The following CLIP1 variants were observed in gnomAD, a reference collection of about 807,000 sequenced individuals.
CLIP1 encodes CAP-Gly domain-containing linker protein 1.
Under a neutral mutation model 161.6 loss-of-function variants are expected in CLIP1, and 66 were observed. The observed-to-expected ratio is 0.41, with a 90% CI of 0.33 to 0.50. CLIP1 has a LOEUF of 0.50. Among genes scored for constraint, CLIP1 ranks in the 20% least tolerant of loss-of-function variants. The probability of loss-of-function intolerance (pLI) is 0.27; values close to 1 mark genes in which losing one functional copy is unlikely to be tolerated. For missense variants in CLIP1, 1,376 were observed against 1,702.0 expected, an observed-to-expected ratio of 0.81 and a Z score of 3.37; for synonymous variants, 598 against 626.2, an observed-to-expected ratio of 0.96 and a Z score of 0.67.
intron 17 of CLIP1, among the ~76,000 whole-genome samples, chr12:122,327,011 T>C (rs909362903): frequency 3.9e-5 from 6 of 152,214 alleles, no homozygotes; most frequent in African/African-American, 1.2e-4. Context: ...AAGTCCTATA[T>C]ATGCTCTTTT....
chr12:122,422,426 C>G (rs1415315251), intron 1 of CLIP1, 95 bp downstream of exon 1: 2 of 151,542 alleles, frequency 1.3e-5, no homozygotes, highest in African/African-American at 4.8e-5. Flanking sequence ...CTTCGACCCC[C>G]GACCCGACCC....
intron 20 of CLIP1, among the ~76,000 whole-genome samples, chr12:122,299,156 T>G (rs1032887716): frequency 2.6e-5 from 4 of 152,124 alleles, no homozygotes; most frequent in Non-Finnish European, 5.9e-5. Context: ...GAAGTGCATC[T>G]TCTGTTCAGA....
At chr12:122,394,256 G>A (rs994197278) in intron 1 of CLIP1, among the ~76,000 whole-genome samples, 4 of 151,934 alleles carry the variant, frequency 2.6e-5, no homozygotes, top group Non-Finnish European at 5.9e-5. Context: ...TTGGGAGACT[G>A]AGGCGGGCGG....
intron 3 of CLIP1, chr12:122,365,038 G>A: frequency 2.5e-6 from 1 of 405,594 alleles, no homozygotes; most frequent in Non-Finnish European, 4.6e-6. Flanking sequence ...TGAACAATGA[G>A]AACACATGGA....
At chr12:122,396,754 C>T (rs1955923556) in intron 1 of CLIP1, 1 of 151,254 alleles carries the variant, frequency 6.6e-6, no homozygotes, top group Admixed American at 6.6e-5. Context: ...TTCACCAAGA[C>T]TTTTTTGTTG....
chr12:122,333,250 C>T (rs58853108), intron 14 of CLIP1, 107 bp from the exon 15 acceptor site: 95,854 of 791,344 alleles, frequency 0.12, 8,890 homozygotes, highest in East Asian at 0.47. Flanking sequence ...TTCTTGTCCT[C>T]ATAAAAATCA....
intron 1 of CLIP1, among the ~76,000 whole-genome samples, chr12:122,415,054 T>C (rs940558491): frequency 4.6e-5 from 7 of 151,862 alleles, no homozygotes; most frequent in African/African-American, 1.4e-4. Flanking sequence ...TGAGACTCTG[T>C]CTCAAAAAAT....
chr12:122,339,338 GT>G (rs60632740), intron 11 of CLIP1, among the ~76,000 whole-genome samples: 43,720 of 151,404 alleles, frequency 0.29, 10,605 homozygotes, highest in African/African-American at 0.66. Flanking sequence ...CACAGCATGG[GT>G]TTTTTTTTGT....
chr12:122,294,121 G>A (rs111258684), intron 20 of CLIP1, among the ~76,000 whole-genome samples: 15 of 151,674 alleles, frequency 9.9e-5, no homozygotes, highest in African/African-American at 3.6e-4. Context: ...AAGGTCAGGA[G>A]ATCCAGACCA....
At chr12:122,316,634 T>A (rs1470960188) in intron 19 of CLIP1, 115 bp downstream of exon 19, 2 of 641,006 alleles carry the variant, frequency 3.1e-6, no homozygotes, top group African/African-American at 3.7e-5. Flanking sequence ...TGCAATAGAG[T>A]CTGCATACGT....
At chr12:122,332,859 TAAC>T (rs1322433457) in intron 15 of CLIP1, 125 bp downstream of exon 15, 1 of 701,494 alleles carries the variant, frequency 1.4e-6, no homozygotes, top group Admixed American at 3.1e-5. Context: ...AATGAGGTAA[TAAC>T]AGAAAAGAAC....
At chr12:122,368,381 C>T (rs1954270846) in intron 3 of CLIP1, among the ~76,000 whole-genome samples, 1 of 152,136 alleles carries the variant, frequency 6.6e-6, no homozygotes. Context: ...CTGTACGCTC[C>T]TGTAAAAAAT....
chr12:122,380,026 C>T (rs988609471), intron 2 of CLIP1, among the ~76,000 whole-genome samples: 3 of 143,852 alleles, frequency 2.1e-5, no homozygotes, highest in Admixed American at 7.1e-5. Context: ...GGGTGGATCA[C>T]GAGGTCAGGA....
chr12:122,320,965 C>CCCAA (rs1951476599), intron 17 of CLIP1, among the ~76,000 whole-genome samples: 1 of 151,438 alleles, frequency 6.6e-6, no homozygotes, highest in South Asian at 2.1e-4. Flanking sequence ...GCAACAGCCT[C>CCCAA]CCAAAGTGCT....
At position 122,416,339 on chromosome 12, in the gene CLIP1, T is replaced by C. The variant is rs2137213297; in HGVS notation, c.-107+6182A>G. The stretch of plus-strand genomic sequence containing the variant: ...TTTGTGCCATTGCCAAGGTATTCTG[T>C]ACATTACTTAAAATAACCTAAACTG... On this transcript the variant is annotated intron_variant, in intron 1 of 25. Coordinates refer to ENST00000620786, the MANE Select transcript of CLIP1 (RefSeq NM_001247997.2). 2.0e-5 allele frequency among the ~76,000 whole-genome samples: 3 copies of C among 152,302 alleles called. 1 individual carries two copies. The South Asian group carries it at 6.2e-4, about 32-fold the overall frequency.
At chr12:122,390,290 A>ATATATATATG (rs1333208046) in intron 1 of CLIP1, among the ~76,000 whole-genome samples, 9 of 132,558 alleles carry the variant, frequency 6.8e-5, no homozygotes, top group Non-Finnish European at 1.4e-4. Context: ...ATATATATAT[A>ATATATATATG]TATATATATA....
chr12:122,421,481 T>C (rs921871656), intron 1 of CLIP1, among the ~76,000 whole-genome samples: 3 of 152,104 alleles, frequency 2.0e-5, no homozygotes, highest in East Asian at 1.9e-4. Context: ...TTAATACTTA[T>C]AGAGCTGCTA....
rs1215851134 is a variant in CLIP1, at chr12:122,323,478, C to T, written c.3250-4130G>A. 6.6e-6 allele frequency: 1 copy of T among 152,628 alleles called. No individual in the cohort carries two copies. The highest frequency in any genetic ancestry group is 2.4e-5 in the African/African-American group (1 of 41,456). The allele number at this position is 152,628 out of a possible 1,614,324, so 9.5% of individuals were successfully genotyped here. On this transcript the variant is annotated intron_variant, in intron 17 of 25. Transcript: ENST00000620786. The surrounding 1 kb of genome is among the most constrained non-coding windows in gnomAD (Gnocchi z 4.1). ...AGCTTCGTGAGGCTTGTGTTTGCGGCCTCGAGTTGCACGGTCTCCAGCTCT... is the reference window on the plus strand; with the variant it reads ...AGCTTCGTGAGGCTTGTGTTTGCGGTCTCGAGTTGCACGGTCTCCAGCTCT...
chr12:122,377,749 G>A lies in CLIP1; in HGVS notation c.297C>T (p.Asn99=), dbSNP rs141383610. ...GIVLDEPIGK[N]DGSVAGVRYF... is the part of the protein sequence containing the mutation. ...ACCGAACTCCTGCCACCGAACCATC[G>A]TTCTTGCCTATGGGTTCATCTAAAA... The change falls in exon 3 of 26, where the codon AAC becomes AAT. Residue 99 remains asparagine, a synonymous_variant. Coordinates refer to ENST00000620786, the MANE Select transcript of CLIP1 (RefSeq NM_001247997.2). 2.3e-4 allele frequency: 377 copies of A among 1,613,850 alleles called. No individual in the cohort carries two copies. The African/African-American group carries it at 4.2e-3, about 18-fold the overall frequency.
Sources: allele counts gnomAD v4.1 joint callset (sites outside exome capture counted in the v4.1 genomes callset), GRCh38; gene constraint gnomAD v4.1.1; non-coding constraint Gnocchi (gnomAD v3.1); transcripts MANE v1.5; gene names NCBI Gene and HGNC (gene_info 2026-07-23, HGNC 2026-07-21).